The following PPARGC1A variants were observed in gnomAD, a reference collection of about 807,000 sequenced individuals.
The protein encoded by PPARGC1A is PPARG coactivator 1 alpha.
A neutral mutation model predicts 88.7 loss-of-function variants in PPARGC1A; 25 were observed. The ratio of observed to expected loss-of-function variants is 0.28; its 90% CI spans 0.21 to 0.39. PPARGC1A has a LOEUF of 0.39. PPARGC1A is among the 10% of genes least tolerant of loss of function. The pLI is 1.00. For missense variants in PPARGC1A, 880 were observed against 968.7 expected (o/e 0.91, Z 1.22); for synonymous variants, 363 against 355.6 (o/e 1.02, Z -0.24).
At chr4:23,811,349 C>T (rs1375221839) in intron 10 of PPARGC1A, among the ~76,000 whole-genome samples, 2 of 152,052 alleles carry the variant, frequency 1.3e-5, no homozygotes, top group African/African-American at 4.8e-5. Context: ...TTCCCTAAGC[C>T]TTGGCTAGCT....
At chr4:24,229,848 A>C in the PPARGC1A span, among the ~76,000 whole-genome samples, 2 of 151,700 alleles carry the variant, frequency 1.3e-5, no homozygotes, top group African/African-American at 4.8e-5. Flanking sequence ...TGTCTCAAAA[A>C]AAAAAAAAAA....
chr4:24,229,367 T>G, the PPARGC1A span, among the ~76,000 whole-genome samples: 2 of 149,582 alleles, frequency 1.3e-5, no homozygotes, highest in Non-Finnish European at 3.0e-5. Flanking sequence ...CAGGCTGGTC[T>G]CGAACTTCTG....
the PPARGC1A span, among the ~76,000 whole-genome samples, chr4:24,331,407 A>C: frequency 6.6e-6 from 1 of 152,126 alleles, no homozygotes; most frequent in African/African-American, 2.4e-5. Context: ...ACCCCTAGTC[A>C]GCCACTCACC....
At chr4:24,223,260 T>TC in the PPARGC1A span, among the ~76,000 whole-genome samples, 1 of 150,878 alleles carries the variant, frequency 6.6e-6, no homozygotes, top group Non-Finnish European at 1.5e-5. Flanking sequence ...ATTTTTTTTT[T>TC]TTTTTTTGAG....
chr4:24,212,474 A>G, the PPARGC1A span, among the ~76,000 whole-genome samples: 1 of 152,222 alleles, frequency 6.6e-6, no homozygotes, highest in Admixed American at 6.5e-5. Flanking sequence ...CACTTGTAAA[A>G]TGCAGATAAT....
intron 2 of PPARGC1A, among the ~76,000 whole-genome samples, chr4:23,879,143 T>G (rs1715400631): frequency 6.6e-6 from 1 of 152,222 alleles, no homozygotes; most frequent in East Asian, 1.9e-4. Flanking sequence ...AAAAAAGAAT[T>G]TATTCTTCCA....
the PPARGC1A span, among the ~76,000 whole-genome samples, chr4:24,346,234 T>C: frequency 6.6e-6 from 1 of 152,114 alleles, no homozygotes; most frequent in Non-Finnish European, 1.5e-5. Context: ...TATCAGTTTG[T>C]AGTTTTCTTT....
At chr4:23,873,820 G>A (rs1039426128) in intron 2 of PPARGC1A, among the ~76,000 whole-genome samples, 5 of 151,950 alleles carry the variant, frequency 3.3e-5, no homozygotes, top group Non-Finnish European at 5.9e-5. Flanking sequence ...AGTTTTAAAG[G>A]GGAAAAAAAG....
the PPARGC1A span, among the ~76,000 whole-genome samples, chr4:24,375,588 C>A: frequency 6.6e-6 from 1 of 152,066 alleles, no homozygotes; most frequent in Admixed American, 6.6e-5. Context: ...TACCAGGCAG[C>A]GCAGTACAAG....
chr4:24,235,908 C>A, the PPARGC1A span, among the ~76,000 whole-genome samples: 10 of 152,096 alleles, frequency 6.6e-5, no homozygotes, highest in East Asian at 1.4e-3. Context: ...GGTGGGGGAC[C>A]CACAGTGGAG....
the PPARGC1A span, among the ~76,000 whole-genome samples, chr4:23,946,994 G>A: frequency 6.6e-6 from 1 of 152,028 alleles, no homozygotes; most frequent in Non-Finnish European, 1.5e-5. Flanking sequence ...AGGTTGGTAC[G>A]AAATTTGATT....
chr4:24,120,292 T>C, the PPARGC1A span, among the ~76,000 whole-genome samples: 2 of 152,048 alleles, frequency 1.3e-5, no homozygotes, highest in African/African-American at 4.8e-5. Flanking sequence ...CACCATCTGG[T>C]TCCTTCCCAG....
At chr4:24,131,041 G>C in the PPARGC1A span, among the ~76,000 whole-genome samples, 1 of 152,076 alleles carries the variant, frequency 6.6e-6, no homozygotes, top group Non-Finnish European at 1.5e-5. Context: ...CTCATCAATG[G>C]CTCCTTCATC....
At chr4:23,847,366 T>G (rs1229077590) in intron 2 of PPARGC1A, among the ~76,000 whole-genome samples, 1 of 152,186 alleles carries the variant, frequency 6.6e-6, no homozygotes, top group African/African-American at 2.4e-5. Context: ...CGAAGGAGTC[T>G]TCTTTCCTGA....
At chr4:23,947,396 TAA>T in the PPARGC1A span, among the ~76,000 whole-genome samples, 2,521 of 17,258 alleles carry the variant, frequency 0.15, 24 homozygotes, top group Middle Eastern at 0.29. Context: ...TATATATATA[TAA>T]AAAAAACGGT....
intron 2 of PPARGC1A, among the ~76,000 whole-genome samples, chr4:23,864,611 G>T (rs140960533): frequency 2.6e-5 from 4 of 152,176 alleles, no homozygotes; most frequent in African/African-American, 4.8e-5. Flanking sequence ...AAAGTCTTTC[G>T]CAGCAGACTG....
chr4:24,440,163 A>G, the PPARGC1A span, among the ~76,000 whole-genome samples: 1 of 152,214 alleles, frequency 6.6e-6, no homozygotes, highest in Non-Finnish European at 1.5e-5. Flanking sequence ...TGTTATCTCA[A>G]TATTGTGGTG....
intron 2 of PPARGC1A, among the ~76,000 whole-genome samples, chr4:23,866,853 C>T (rs1712111430): frequency 6.6e-6 from 1 of 152,004 alleles, no homozygotes; most frequent in South Asian, 2.1e-4. Context: ...GAGATACCGC[C>T]CGGGGGTGCT....
chr4:24,240,064 C>T, the PPARGC1A span, among the ~76,000 whole-genome samples: 1 of 152,070 alleles, frequency 6.6e-6, no homozygotes, highest in Non-Finnish European at 1.5e-5. Flanking sequence ...GTCAAAAATG[C>T]TTTGTATAAA....
Sources: allele counts gnomAD v4.1 joint callset (sites outside exome capture counted in the v4.1 genomes callset), GRCh38; gene constraint gnomAD v4.1.1; transcripts MANE v1.5; gene names NCBI Gene and HGNC (gene_info 2026-07-23, HGNC 2026-07-21).